The following ZMYM2 variants were observed in gnomAD, a reference collection of about 807,000 sequenced individuals.
ZMYM2 encodes zinc finger MYM-type protein 2.
In ZMYM2, 56 loss-of-function variants were observed where a neutral mutation model predicts 162.8. The ratio of observed to expected loss-of-function variants is 0.34; its 90% CI spans 0.28 to 0.43. The LOEUF is 0.43. Among genes scored for constraint, ZMYM2 ranks in the 20% least tolerant of loss-of-function variants. The probability of loss-of-function intolerance (pLI) is 1.00; values close to 1 mark genes in which losing one functional copy is unlikely to be tolerated. For synonymous variants in ZMYM2, 510 were observed against 541.6 expected (o/e 0.94, Z 0.81); for missense variants, 1,275 against 1,621.8 (o/e 0.79, Z 3.67).
At chr13:19,938,767 C>T in the ZMYM2 span, among the ~76,000 whole-genome samples, 12 of 151,260 alleles carry the variant, frequency 7.9e-5, no homozygotes, top group African/African-American at 2.9e-4. Flanking sequence ...CCTGAGTCAG[C>T]TTAATACAGG....
At chr13:20,058,837 A>C in intron 15 of ZMYM2, 133 bp downstream of exon 15, 1 of 1,254,436 alleles carries the variant, frequency 8.0e-7, no homozygotes, top group Non-Finnish European at 1.2e-6. Flanking sequence ...GATTTTGCTT[A>C]CGTAATTTTA....
chr13:19,958,606 G>A (rs1213868051), upstream of ZMYM2: 1 of 152,072 alleles, frequency 6.6e-6, no homozygotes, highest in African/African-American at 2.4e-5. Flanking sequence ...GGCCCTGAAG[G>A]ACGGCCGTCG....
chr13:20,067,155 T>C, intron 20 of ZMYM2, 84 bp from the exon 21 acceptor site: 1 of 1,398,786 alleles, frequency 7.1e-7, no homozygotes, highest in Non-Finnish European at 9.5e-7. Context: ...TTCAGAGCTC[T>C]TACAAAGAAT....
chr13:20,076,380 G>T (rs954667327), intron 21 of ZMYM2, among the ~76,000 whole-genome samples: 9 of 150,624 alleles, frequency 6.0e-5, no homozygotes, highest in African/African-American at 2.0e-4. Context: ...ATTTGTTTCT[G>T]AGATATGATT....
intron 2 of ZMYM2, among the ~76,000 whole-genome samples, chr13:19,990,667 C>T (rs891265348): frequency 1.3e-5 from 2 of 152,314 alleles, no homozygotes; most frequent in East Asian, 3.9e-4. Flanking sequence ...CTACCACTGT[C>T]ATCTGTAAAT....
chr13:19,937,142 T>C, the ZMYM2 span, among the ~76,000 whole-genome samples: 1 of 151,976 alleles, frequency 6.6e-6, no homozygotes, highest in Non-Finnish European at 1.5e-5. Context: ...AATGACCTGT[T>C]AGTATTCTAC....
chr13:19,907,580 T>C, the ZMYM2 span, among the ~76,000 whole-genome samples: 22 of 151,644 alleles, frequency 1.5e-4, no homozygotes, highest in Admixed American at 1.4e-3. Context: ...GCCAACATGG[T>C]GAAACCCTGT....
chr13:19,901,777 A>G, the ZMYM2 span, among the ~76,000 whole-genome samples: 39 of 151,778 alleles, frequency 2.6e-4, no homozygotes, highest in Non-Finnish European at 1.8e-4. Flanking sequence ...GCCTGGCCCA[A>G]CTTTTTTTAA....
At chr13:19,951,349 A>C in the ZMYM2 span, among the ~76,000 whole-genome samples, 1 of 152,040 alleles carries the variant, frequency 6.6e-6, no homozygotes, top group East Asian at 1.9e-4. Context: ...TACTATCCAC[A>C]ATAGGAACTC....
At chr13:19,884,674 G>A in the ZMYM2 span, among the ~76,000 whole-genome samples, 1 of 152,088 alleles carries the variant, frequency 6.6e-6, no homozygotes, top group African/African-American at 2.4e-5. Flanking sequence ...GTTCTTAAAA[G>A]TAGCACGTCC....
intron 12 of ZMYM2, among the ~76,000 whole-genome samples, chr13:20,046,792 T>C (rs1737975749): frequency 6.6e-6 from 1 of 151,750 alleles, no homozygotes; most frequent in East Asian, 1.9e-4. Context: ...ACCATGTTAT[T>C]GTAGATGTCG....
chr13:20,019,985 C>T (rs1951936241), intron 7 of ZMYM2: 1 of 171,342 alleles, frequency 5.8e-6, no homozygotes, highest in African/African-American at 2.4e-5. Flanking sequence ...AAAAAAATTT[C>T]TAAGTCTGTG....
intron 4 of ZMYM2, among the ~76,000 whole-genome samples, chr13:20,003,418 G>T (rs952609143): frequency 6.6e-6 from 1 of 152,142 alleles, no homozygotes; most frequent in Non-Finnish European, 1.5e-5. Context: ...AAATAAAAAT[G>T]CTAAGCAGTT....
At chr13:20,018,907 C>T (rs1028933279) in intron 6 of ZMYM2, among the ~76,000 whole-genome samples, 7 of 152,054 alleles carry the variant, frequency 4.6e-5, no homozygotes, top group Non-Finnish European at 8.8e-5. Context: ...TGGTGAAACC[C>T]TGTCTCTACT....
intron 21 of ZMYM2, among the ~76,000 whole-genome samples, chr13:20,079,563 T>G (rs192296326): frequency 6.6e-6 from 1 of 152,112 alleles, no homozygotes; most frequent in Non-Finnish European, 1.5e-5. Flanking sequence ...GTGTATAGAT[T>G]AGATGTTTGT....
In ZMYM2 at chr13:20,086,043, A is replaced by G. The variant is rs1370583385; in HGVS notation, c.*29A>G. On this transcript the variant is annotated 3_prime_UTR_variant, in exon 25 of 25. Coordinates refer to ENST00000610343, the MANE Select transcript of ZMYM2 (RefSeq NM_197968.4). ...GGAACGTTGCAGAAGCAATCGGGAT[A>G]AAACAGCATTAGATAGTCATGCTGC... 6 of 1,601,744 alleles carry G rather than the reference A, an allele frequency of 3.7e-6. No individual in the cohort carries two copies. In the Admixed American group the frequency reaches 8.4e-5, roughly 22 times the overall value.
the ZMYM2 span, among the ~76,000 whole-genome samples, chr13:19,881,290 T>C: frequency 6.6e-6 from 1 of 152,236 alleles, no homozygotes; most frequent in African/African-American, 2.4e-5. Context: ...TCTTGCTTAA[T>C]TGCTCTGGCA....
intron 12 of ZMYM2, among the ~76,000 whole-genome samples, chr13:20,038,985 T>G (rs1953986996): frequency 6.6e-6 from 1 of 152,108 alleles, no homozygotes; most frequent in Admixed American, 6.5e-5. Context: ...CTTGTAGAGA[T>G]TTTTCACCTC....
chr13:20,072,885 A>G (rs1169558915), intron 21 of ZMYM2, among the ~76,000 whole-genome samples: 1 of 151,834 alleles, frequency 6.6e-6, no homozygotes, highest in African/African-American at 2.4e-5. Context: ...TGATACTGGT[A>G]ATCTGTGCCT....
Sources: gnomAD v4.1 joint callset for allele counts (sites outside exome capture counted in the v4.1 genomes callset) on GRCh38, gnomAD v4.1.1 for gene constraint, MANE v1.5 for transcripts, NCBI Gene and HGNC (gene_info 2026-07-23, HGNC 2026-07-21) for gene names.